PCDHA1: variants seen among roughly 807,000 people sequenced by gnomAD.
PCDHA1 encodes protocadherin alpha-1.
A neutral mutation model predicts 61.3 loss-of-function variants in PCDHA1; 42 were observed. That is an observed-to-expected ratio of 0.69 (90% CI 0.54 to 0.89). The LOEUF is 0.89. PCDHA1 is among the 40% of genes least tolerant of loss of function. The probability of loss-of-function intolerance (pLI) is 0.00; values close to 1 mark genes in which losing one functional copy is unlikely to be tolerated. For missense variants in PCDHA1, 1,256 were observed against 1,235.3 expected (o/e 1.02, Z -0.25); for synonymous variants, 610 against 553.8 (o/e 1.10, Z -1.43).
At chr5:140,846,050 C>T (rs2150384063) in intron 1 of PCDHA1, among the ~76,000 whole-genome samples, 1 of 149,776 alleles carries the variant, frequency 6.7e-6, no homozygotes, top group African/African-American at 2.4e-5. Flanking sequence ...GTTAACACCA[C>T]CTATGTGGGA....
chr5:140,951,507 C>T (rs2094591964), intron 1 of PCDHA1, among the ~76,000 whole-genome samples: 1 of 151,952 alleles, frequency 6.6e-6, no homozygotes, highest in Admixed American at 6.6e-5. Context: ...AAAAGGAAAG[C>T]GGCTCATCTT....
intron 1 of PCDHA1, among the ~76,000 whole-genome samples, chr5:140,924,726 C>T (rs1294650773): frequency 1.3e-5 from 2 of 151,796 alleles, no homozygotes; most frequent in African/African-American, 4.8e-5. Context: ...GAAACCTCAC[C>T]TCTAATAAAA....
intron 1 of PCDHA1, among the ~76,000 whole-genome samples, chr5:140,952,079 C>A (rs2094682960): frequency 6.6e-6 from 1 of 152,162 alleles, no homozygotes; most frequent in South Asian, 2.1e-4. Flanking sequence ...TTCATTGACT[C>A]CATGTCTCAC....
intron 1 of PCDHA1, chr5:140,929,227 G>A (rs141300036): frequency 6.2e-6 from 10 of 1,613,774 alleles, no homozygotes; most frequent in Admixed American, 5.0e-5. Context: ...CAATGCTGCC[G>A]ACCTGCGAAA....
In PCDHA1 at chr5:140,788,263, C is replaced by G. The variant is rs564427730; in HGVS notation, c.1973C>G (p.Ala658Gly). ...LVLVKDHGEP[A>G]LTATATVLVS... Reference sequence around the variant, plus strand: ...CTAGTGAAGGATCACGGTGAGCCGGCGCTGACAGCCACGGCCACTGTGCTT... The same window carrying G: ...CTAGTGAAGGATCACGGTGAGCCGGGGCTGACAGCCACGGCCACTGTGCTT... The change falls in exon 1 of 4, where the codon GCG becomes GGG. Residue 658 changes from alanine (A) to glycine (G), a missense_variant. Physicochemically the swap from Ala to Gly is moderately conservative, Grantham distance 60 (BLOSUM62 0). Transcript: ENST00000504120. 1 of 1,613,838 alleles carries G rather than the reference C, an allele frequency of 6.2e-7. No homozygotes were observed. Among genetic ancestry groups the G allele is most frequent in the Non-Finnish European group, 8.5e-7 (1 of 1,179,938 alleles).
At chr5:140,900,049 A>T (rs2067710838) in intron 1 of PCDHA1, among the ~76,000 whole-genome samples, 1 of 152,044 alleles carries the variant, frequency 6.6e-6, no homozygotes, top group Non-Finnish European at 1.5e-5. Flanking sequence ...GGCTCAAGTG[A>T]TCCTTTAACC....
chr5:140,803,433 G>C (rs369373965), intron 1 of PCDHA1: 1 of 1,614,216 alleles, frequency 6.2e-7, no homozygotes, highest in African/African-American at 1.3e-5. Flanking sequence ...CAGCGCGGTG[G>C]GGAGCTGGTC....
intron 1 of PCDHA1, chr5:140,822,496 T>C (rs1315716170): frequency 1.8e-5 from 29 of 1,613,784 alleles, no homozygotes; most frequent in Non-Finnish European, 2.2e-5. Flanking sequence ...CGCCCCAGAA[T>C]TTGATAAATC....
chr5:140,959,696 G>A (rs1344206142), intron 1 of PCDHA1, among the ~76,000 whole-genome samples: 1 of 152,098 alleles, frequency 6.6e-6, no homozygotes, highest in Non-Finnish European at 1.5e-5. Flanking sequence ...AATAAAATGA[G>A]CTTTGAAAGG....
intron 1 of PCDHA1, chr5:140,823,264 C>A (rs1052475502): frequency 2.5e-6 from 4 of 1,612,792 alleles, no homozygotes; most frequent in Non-Finnish European, 2.5e-6. Context: ...GGTGGAGCGG[C>A]GGGTGGGCGA....
intron 1 of PCDHA1, among the ~76,000 whole-genome samples, chr5:140,888,659 C>A (rs1373585694): frequency 6.6e-6 from 1 of 152,198 alleles, no homozygotes; most frequent in Non-Finnish European, 1.5e-5. Context: ...AGGACACCAC[C>A]TAATGCCCTG....
intron 1 of PCDHA1, among the ~76,000 whole-genome samples, chr5:140,933,686 C>T (rs186587135): frequency 6.6e-6 from 1 of 151,890 alleles, no homozygotes; most frequent in Non-Finnish European, 1.5e-5. Flanking sequence ...ATTTTTTTTC[C>T]TATTCCTCGG....
intron 3 of PCDHA1, among the ~76,000 whole-genome samples, chr5:140,994,222 CTA>C (rs1219184690): frequency 6.6e-6 from 1 of 152,168 alleles, no homozygotes; most frequent in Non-Finnish European, 1.5e-5. Context: ...CAGGGTCTGT[CTA>C]TGTTATAATC....
chr5:140,796,118 T>C (rs935693327), intron 1 of PCDHA1: 2 of 1,614,192 alleles, frequency 1.2e-6, no homozygotes, highest in Non-Finnish European at 1.7e-6. Flanking sequence ...AATGGACATG[T>C]CACCTGCTCC....
chr5:140,817,314 A>T (rs1766111486), intron 1 of PCDHA1: 1 of 152,198 alleles, frequency 6.6e-6, no homozygotes, highest in Admixed American at 6.5e-5. Context: ...GCCCCAGAAA[A>T]GTGCCCAGCT....
At chr5:140,795,652 A>C (rs1554119517) in intron 1 of PCDHA1, 2 of 1,614,036 alleles carry the variant, frequency 1.2e-6, no homozygotes, top group South Asian at 1.1e-5. Context: ...TCAAATACTT[A>C]TTAAGGTATT....
intron 1 of PCDHA1, among the ~76,000 whole-genome samples, chr5:140,799,569 G>C (rs1278448875): frequency 6.6e-6 from 1 of 151,832 alleles, no homozygotes; most frequent in Non-Finnish European, 1.5e-5. Flanking sequence ...AATTATGTAA[G>C]TTTGATATTA....
At position 140,858,665 on chromosome 5, in the gene PCDHA1, A is replaced by G. The variant is rs2045550518; in HGVS notation, c.2394+69981A>G. On this transcript the variant is annotated intron_variant, in intron 1 of 3. Transcript: ENST00000504120. ...GGTACTTAAATTTTTTTAAATAACAATTTATTCTGAATACACTAATATTTT... is the reference window on the plus strand; with the variant it reads ...GGTACTTAAATTTTTTTAAATAACAGTTTATTCTGAATACACTAATATTTT... 5.6e-6 allele frequency: 4 copies of G among 718,718 alleles called. 1 individual carries two copies. The highest frequency in any genetic ancestry group is 1.8e-5 in the African/African-American group (1 of 55,644). 44.5% of individuals were successfully genotyped at this position (718,718 alleles called of 1,614,324 possible).
rs2150357061 is a variant in PCDHA1, at chr5:140,843,307, G to A, written c.2394+54623G>A. 9.4e-6 allele frequency: 15 copies of A among 1,595,858 alleles called. 1 individual carries two copies. In the African/African-American group the frequency reaches 1.1e-4, roughly 11 times the overall value. Reference sequence around the variant, plus strand: ...ATGGTGAACCTGCGCTGACCGCCACGGCCACGGTTCTGGTGTCGCTGGTGG... The same window carrying A: ...ATGGTGAACCTGCGCTGACCGCCACAGCCACGGTTCTGGTGTCGCTGGTGG... On this transcript the variant is annotated intron_variant, in intron 1 of 3. Coordinates refer to ENST00000504120, the MANE Select transcript of PCDHA1 (RefSeq NM_018900.4).
Sources: allele counts gnomAD v4.1 joint callset (sites outside exome capture counted in the v4.1 genomes callset), GRCh38; gene constraint gnomAD v4.1.1; transcripts MANE v1.5; gene names NCBI Gene and HGNC (gene_info 2026-07-23, HGNC 2026-07-21).